Variants in SLC30A8 observed in about 807,000 individuals in gnomAD.
SLC30A8 encodes proton-coupled zinc antiporter SLC30A8.
A neutral mutation model predicts 36.9 loss-of-function variants in SLC30A8; 27 were observed. The ratio of observed to expected loss-of-function variants is 0.73; its 90% CI spans 0.54 to 1.01. The LOEUF (loss-of-function observed/expected upper bound fraction) is 1.01, where lower values mean the gene tolerates loss of function less well. Ranked by LOEUF, SLC30A8 falls within the 50% of genes least tolerant of loss-of-function variation. SLC30A8 has a pLI of 0.00. For synonymous variants in SLC30A8, 164 were observed against 172.4 expected (o/e 0.95, Z 0.38); for missense variants, 439 against 452.0 (o/e 0.97, Z 0.26).
Position 117,058,719 on chromosome 8 carries a change from G to T in SLC30A8, c.-226+19461G>T, listed in dbSNP as rs147643814. 3.9e-4 allele frequency among the ~76,000 whole-genome samples: 60 copies of T among 152,236 alleles called. 1 individual carries two copies. In the East Asian group the frequency reaches 0.011, roughly 29 times the overall value. On this transcript the variant is annotated intron_variant, in intron 2 of 10. Transcript: ENST00000427715. ...AATGCTTTTTAAAATGGCTTAAATG[G>T]CTGGAAAAATAGAAGAAGTTTCTGT...
intron 1 of SLC30A8, among the ~76,000 whole-genome samples, chr8:117,022,661 A>C (rs2130725830): frequency 6.6e-6 from 1 of 152,342 alleles, no homozygotes; most frequent in East Asian, 1.9e-4. Context: ...TGCTGGGAAA[A>C]CTGGCTAGCC....
chr8:116,994,652 T>G (rs1815754733), intron 1 of SLC30A8, among the ~76,000 whole-genome samples: 1 of 152,140 alleles, frequency 6.6e-6, no homozygotes, highest in Admixed American at 6.5e-5. Flanking sequence ...CTTCCAGTCC[T>G]GGTAATATAC....
intron 2 of SLC30A8, among the ~76,000 whole-genome samples, chr8:117,057,083 C>T (rs187919990): frequency 4.6e-5 from 7 of 152,248 alleles, no homozygotes; most frequent in African/African-American, 7.2e-5. Context: ...ATTTAACTGT[C>T]ACAGTTCTGG....
At position 117,164,500 on chromosome 8, in the gene SLC30A8, G is replaced by T. The variant is rs562528112; in HGVS notation, c.829+970G>T. On this transcript the variant is annotated intron_variant, in intron 6 of 7. Coordinates refer to ENST00000456015, the MANE Select transcript of SLC30A8 (RefSeq NM_173851.3). ...GAGATGGGAGGATCGCTTGAGGCTG[G>T]GAGGCAGAGGCTGCAGTGAGCCGAG... Among the ~76,000 whole-genome samples, 4 of 152,134 alleles carry T rather than the reference G, an allele frequency of 2.6e-5. No homozygotes were observed. The South Asian group carries it at 8.3e-4, about 32-fold the overall frequency.
At chr8:116,987,521 G>A (rs1243564729) in intron 1 of SLC30A8, among the ~76,000 whole-genome samples, 1 of 151,846 alleles carries the variant, frequency 6.6e-6, no homozygotes, top group East Asian at 1.9e-4. Flanking sequence ...TTCTACATCT[G>A]TTAAGTCTCT....
intron 2 of SLC30A8, among the ~76,000 whole-genome samples, chr8:117,149,408 CTTAA>C (rs150985173): frequency 2.3e-4 from 35 of 152,196 alleles, no homozygotes; most frequent in Middle Eastern, 3.4e-3. Context: ...CATGTATTAC[CTTAA>C]TTAATCCCGG....
chr8:117,071,171 C>T (rs1438843517), intron 2 of SLC30A8, among the ~76,000 whole-genome samples: 1 of 152,202 alleles, frequency 6.6e-6, no homozygotes, highest in Non-Finnish European at 1.5e-5. Context: ...CAACAACATA[C>T]AAGAGTTCCC....
chr8:116,979,683 G>C (rs926128039), intron 1 of SLC30A8, among the ~76,000 whole-genome samples: 1 of 152,162 alleles, frequency 6.6e-6, no homozygotes, highest in Non-Finnish European at 1.5e-5. Flanking sequence ...TGAGGCCAAC[G>C]CAAGTGGATT....
intron 1 of SLC30A8, among the ~76,000 whole-genome samples, chr8:116,998,265 G>A (rs1171038358): frequency 6.6e-6 from 1 of 152,218 alleles, no homozygotes; most frequent in Admixed American, 6.5e-5. Context: ...TGAACAGGTG[G>A]TAGAGCTAGA....
At chr8:117,129,039 G>A (rs1011897891) in intron 2 of SLC30A8, among the ~76,000 whole-genome samples, 1 of 152,032 alleles carries the variant, frequency 6.6e-6, no homozygotes, top group Non-Finnish European at 1.5e-5. Context: ...CAGGTGTCAG[G>A]TGTGCTAGTC....
At chr8:117,018,657 T>C (rs1816600727) in intron 1 of SLC30A8, among the ~76,000 whole-genome samples, 1 of 142,286 alleles carries the variant, frequency 7.0e-6, no homozygotes, top group Admixed American at 7.5e-5. Context: ...GGGCCAAATC[T>C]GACTAGCCCC....
chr8:117,118,176 C>CA (rs57091173), intron 2 of SLC30A8, among the ~76,000 whole-genome samples: 5,931 of 87,162 alleles, frequency 0.068, 274 homozygotes, highest in African/African-American at 0.14. Context: ...CTCTCTGTCT[C>CA]AAAAAAAAAA....
intron 2 of SLC30A8, among the ~76,000 whole-genome samples, chr8:117,076,685 A>G (rs1818499009): frequency 6.6e-6 from 1 of 152,082 alleles, no homozygotes; most frequent in African/African-American, 2.4e-5. Flanking sequence ...CAACTAAACT[A>G]CATGTCACAC....
chr8:117,040,743 A>T (rs1817358254), intron 2 of SLC30A8, among the ~76,000 whole-genome samples: 1 of 152,200 alleles, frequency 6.6e-6, no homozygotes, highest in Non-Finnish European at 1.5e-5. Flanking sequence ...CAGGAAGCTC[A>T]ATCTAGTATT....
chr8:116,985,589 G>A (rs912524436), intron 1 of SLC30A8, among the ~76,000 whole-genome samples: 1 of 151,904 alleles, frequency 6.6e-6, no homozygotes, highest in Non-Finnish European at 1.5e-5. Context: ...TAAATTACAG[G>A]TATGATTTTA....
At chr8:117,025,698 C>T (rs1816852397) in intron 1 of SLC30A8, among the ~76,000 whole-genome samples, 1 of 152,100 alleles carries the variant, frequency 6.6e-6, no homozygotes, top group Admixed American at 6.5e-5. Context: ...ATCTGATTGC[C>T]TTTTCACAGG....
chr8:117,097,516 A>AATAAT (rs1355369490), intron 2 of SLC30A8, among the ~76,000 whole-genome samples: 1 of 117,096 alleles, frequency 8.5e-6, no homozygotes, highest in Non-Finnish European at 1.7e-5. Context: ...TATAATTTTA[A>AATAAT]ATAATATATA....
intron 1 of SLC30A8, 126 bp from the exon 2 acceptor site, chr8:117,146,828 C>A (rs1239847037): frequency 3.4e-6 from 5 of 1,461,914 alleles, no homozygotes; most frequent in Non-Finnish European, 4.5e-6. Context: ...GAAGGAGCTG[C>A]AAATGAACAC....
At chr8:117,053,102 A>T (rs527562507) in intron 2 of SLC30A8, among the ~76,000 whole-genome samples, 1 of 151,956 alleles carries the variant, frequency 6.6e-6, no homozygotes, top group South Asian at 2.1e-4. Flanking sequence ...TTTAGTAGAG[A>T]TGAGGTTTCA....
Sources: allele counts gnomAD v4.1 joint callset (sites outside exome capture counted in the v4.1 genomes callset), GRCh38; gene constraint gnomAD v4.1.1; transcripts MANE v1.5; gene names NCBI Gene and HGNC (gene_info 2026-07-23, HGNC 2026-07-21).